The following SOCS7 variants were observed in gnomAD, a reference collection of about 807,000 sequenced individuals.
The protein encoded by SOCS7 is NAP-4.
In SOCS7, 18 loss-of-function variants were observed where a neutral mutation model predicts 58.9. The observed-to-expected ratio is 0.31, with a 90% CI of 0.21 to 0.45. The LOEUF (loss-of-function observed/expected upper bound fraction) is 0.45. Among genes scored for constraint, SOCS7 ranks in the 20% least tolerant of loss-of-function variants. The pLI is 1.00. For missense variants in SOCS7, 667 were observed against 837.3 expected, an observed-to-expected ratio of 0.80 and a Z score of 2.51; for synonymous variants, 388 against 364.3, an observed-to-expected ratio of 1.06 and a Z score of -0.74.
chr17:38,359,343 G>A (rs1469950478), intron 1 of SOCS7, among the ~76,000 whole-genome samples: 1 of 152,144 alleles, frequency 6.6e-6, no homozygotes, highest in Non-Finnish European at 1.5e-5. Flanking sequence ...TATTCATAGT[G>A]AGCGTGATCA....
At chr17:38,360,796 C>T (rs971504568) in intron 1 of SOCS7, among the ~76,000 whole-genome samples, 1 of 152,230 alleles carries the variant, frequency 6.6e-6, no homozygotes, top group African/African-American at 2.4e-5. Flanking sequence ...GCCTTGGCCT[C>T]CCAAAGTGCT....
In SOCS7 at chr17:38,352,705, C is replaced by G. The variant is rs1245099376; in HGVS notation, c.653C>G (p.Pro218Arg). 7.7e-6 allele frequency: 12 copies of G among 1,549,986 alleles called. No homozygotes were observed. Among genetic ancestry groups the G allele is most frequent in the East Asian group, 2.4e-5 (1 of 40,918 alleles). ...GGGGGCGGCCGGCTTCTGCTGCAGC[C>G]CCCAGGCCCTGAATTACCTCCGGTG... ...GGGGGRLLLQ[P>R]PGPELPPVPF... is the part of the protein sequence containing the mutation. The change falls in exon 1 of 10, where the codon CCC becomes CGC. Residue 218 changes from proline (P) to arginine (R), a missense_variant. Pro to Arg is a moderately radical substitution (Grantham distance 103). Coordinates refer to ENST00000612932, the MANE Select transcript of SOCS7 (RefSeq NM_014598.4). This position sits in a 1 kb window ranked among gnomAD's most constrained non-coding sequence, Gnocchi z 5.5.
intron 7 of SOCS7, among the ~76,000 whole-genome samples, chr17:38,393,251 T>C (rs12051836): frequency 0.28 from 41,944 of 152,060 alleles, 8,318 homozygotes; most frequent in African/African-American, 0.57. Context: ...TTTTTTCCCC[T>C]GGAAAGTATG....
chr17:38,374,737 AC>A (rs1421316814), intron 6 of SOCS7, among the ~76,000 whole-genome samples: 1 of 152,246 alleles, frequency 6.6e-6, no homozygotes, highest in East Asian at 1.9e-4. Flanking sequence ...ACTGAAGGTG[AC>A]TTGATGGAGA....
chr17:38,400,587 A>G lies in SOCS7; in HGVS notation c.*1105A>G, dbSNP rs2038305925. On this transcript the variant is annotated 3_prime_UTR_variant, in exon 10 of 10. Transcript: ENST00000612932. ...AGCCCTCACGGGATTTCCTTAGGTC[A>G]GAGGAGAGCATCGCATCTCACGTTT... The G allele has an allele frequency of 6.6e-6, 1 of 152,320 alleles. No individual in the cohort carries two copies. The highest frequency in any genetic ancestry group is 2.4e-5 in the African/African-American group (1 of 41,566). The allele number at this position is 152,320 out of a possible 1,614,324, so 9.4% of individuals were successfully genotyped here.
chr17:38,385,068 T>A (rs1168863674), intron 7 of SOCS7, among the ~76,000 whole-genome samples: 7 of 151,456 alleles, frequency 4.6e-5, no homozygotes, highest in Non-Finnish European at 8.8e-5. Flanking sequence ...AGCTAATTTT[T>A]TGTATTTTTA....
In SOCS7 at chr17:38,400,597, A is replaced by T. The variant is rs1361143642; in HGVS notation, c.*1115A>T. 1 of 152,208 alleles carries T rather than the reference A, an allele frequency of 6.6e-6. No individual in the cohort carries two copies. Among genetic ancestry groups the T allele is most frequent in the African/African-American group, 2.4e-5 (1 of 41,452 alleles). The allele number at this position is 152,208 out of a possible 1,614,324, so 9.4% of individuals were successfully genotyped here. The stretch of plus-strand genomic sequence containing the variant: ...GGATTTCCTTAGGTCAGAGGAGAGC[A>T]TCGCATCTCACGTTTTTAGGTTTAT... On this transcript the variant is annotated 3_prime_UTR_variant, in exon 10 of 10. Coordinates refer to ENST00000612932, the MANE Select transcript of SOCS7 (RefSeq NM_014598.4).
intron 6 of SOCS7, among the ~76,000 whole-genome samples, chr17:38,373,838 A>G (rs1437604902): frequency 6.6e-6 from 1 of 152,172 alleles, no homozygotes; most frequent in Non-Finnish European, 1.5e-5. Flanking sequence ...CACTCATTGC[A>G]CTTGGTACTC....
chr17:38,393,984 A>G (rs182040096), intron 7 of SOCS7, among the ~76,000 whole-genome samples: 53 of 152,386 alleles, frequency 3.5e-4, no homozygotes, highest in African/African-American at 1.1e-3. Context: ...AGTTGTGTCT[A>G]TAGAATGTCT....
chr17:38,381,634 T>C (rs1207276557), intron 7 of SOCS7, among the ~76,000 whole-genome samples: 2 of 152,072 alleles, frequency 1.3e-5, no homozygotes, highest in Admixed American at 6.6e-5. Flanking sequence ...TTTTTCTGGC[T>C]CAGATCCCAG....
rs10718633 is a variant in SOCS7 at position 38,371,277 on chromosome 17, C to CTT, written c.1552+3241_1552+3242dup. 5.5e-4 allele frequency among the ~76,000 whole-genome samples: 77 copies of CTT among 138,910 alleles called. 1 individual carries two copies. The highest frequency in any genetic ancestry group is 1.6e-3 in the South Asian group (7 of 4,350). 91.1% of individuals were successfully genotyped at this position (138,910 alleles called of 152,430 possible). On this transcript the variant is annotated intron_variant, in intron 6 of 9. Transcript: ENST00000612932. ...TACAGATGGGTGCCTCCATGCCCAA[C>CTT]TTTTTTTTTTTTTTTGAGACGGAGT...
intron 9 of SOCS7, among the ~76,000 whole-genome samples, chr17:38,398,156 G>C (rs892296195): frequency 2.0e-5 from 3 of 151,942 alleles, no homozygotes; most frequent in Admixed American, 6.6e-5. Context: ...CTGTGACAAA[G>C]AGTAAGCGTA....
intron 6 of SOCS7, among the ~76,000 whole-genome samples, chr17:38,371,622 G>T (rs1395538834): frequency 1.3e-5 from 2 of 149,744 alleles, no homozygotes; most frequent in Non-Finnish European, 3.0e-5. Context: ...GAACCACCAT[G>T]CCCGGCCGGG....
At chr17:38,395,557 T>C (rs985610192) in intron 8 of SOCS7, 113 bp downstream of exon 8, 9 of 1,127,074 alleles carry the variant, frequency 8.0e-6, no homozygotes, top group Non-Finnish European at 9.0e-6. Context: ...GCATAAAATA[T>C]TTGCAGATGT....
intron 1 of SOCS7, among the ~76,000 whole-genome samples, chr17:38,360,701 G>A (rs1026488691): frequency 6.6e-5 from 10 of 151,412 alleles, no homozygotes; most frequent in African/African-American, 2.2e-4. Context: ...CACCACACCC[G>A]GCTAATTTTT....
intron 7 of SOCS7, among the ~76,000 whole-genome samples, chr17:38,378,054 C>T (rs576900698): frequency 9.2e-5 from 14 of 152,270 alleles, no homozygotes; most frequent in South Asian, 2.1e-4. Context: ...TCTCTAACCA[C>T]GTGAATGAGA....
chr17:38,392,143 A>G (rs1699901441), intron 7 of SOCS7, among the ~76,000 whole-genome samples: 2 of 152,190 alleles, frequency 1.3e-5, no homozygotes, highest in Non-Finnish European at 2.9e-5. Flanking sequence ...TGAGAGTTCT[A>G]ATTGTTTGTT....
At chr17:38,363,165 A>T (rs1480271612) in intron 2 of SOCS7, among the ~76,000 whole-genome samples, 1 of 151,802 alleles carries the variant, frequency 6.6e-6, no homozygotes, top group African/African-American at 2.4e-5. Context: ...GGTCAGCCTC[A>T]GCCCTCTTGA....
chr17:38,394,692 C>T (rs1240941633), intron 7 of SOCS7, among the ~76,000 whole-genome samples: 1 of 152,146 alleles, frequency 6.6e-6, no homozygotes, highest in Non-Finnish European at 1.5e-5. Context: ...CACTTGGGTC[C>T]AAGCAGTGTC....
Sources: allele counts gnomAD v4.1 joint callset (sites outside exome capture counted in the v4.1 genomes callset), GRCh38; gene constraint gnomAD v4.1.1; non-coding constraint Gnocchi (gnomAD v3.1); transcripts MANE v1.5; gene names NCBI Gene and HGNC (gene_info 2026-07-23, HGNC 2026-07-21).